Variants in GNA14 observed in about 807,000 individuals in gnomAD.
GNA14 encodes the protein guanine nucleotide-binding protein subunit alpha-14.
In GNA14, 50 loss-of-function variants were observed where a neutral mutation model predicts 42.0. The observed-to-expected ratio is 1.19, with a 90% confidence interval of 0.95 to 1.51. The LOEUF (loss-of-function observed/expected upper bound fraction) is 1.51, where lower values mean the gene tolerates loss of function less well. GNA14 is among the 40% of genes most tolerant of loss of function. The pLI is 0.00. For missense variants in GNA14, 473 were observed against 446.2 expected, an observed-to-expected ratio of 1.06 and a Z score of -0.54; for synonymous variants, 173 against 163.1, an observed-to-expected ratio of 1.06 and a Z score of -0.46.
At chr9:77,637,503 A>T (rs1363344013) in intron 1 of GNA14, among the ~76,000 whole-genome samples, 1 of 152,254 alleles carries the variant, frequency 6.6e-6, no homozygotes, top group African/African-American at 2.4e-5. Context: ...ATATCTTATC[A>T]GCAACCCTAT....
At chr9:77,473,188 T>C (rs1836361456) in intron 2 of GNA14, among the ~76,000 whole-genome samples, 1 of 152,158 alleles carries the variant, frequency 6.6e-6, no homozygotes, top group South Asian at 2.1e-4. Flanking sequence ...TGAGCACAAT[T>C]GCTCATGCCT....
At chr9:77,464,962 G>A (rs1269554856) in intron 2 of GNA14, among the ~76,000 whole-genome samples, 1 of 152,120 alleles carries the variant, frequency 6.6e-6, no homozygotes, top group Non-Finnish European at 1.5e-5. Flanking sequence ...AGAGATTGGG[G>A]GTTACATGGC....
intron 2 of GNA14, among the ~76,000 whole-genome samples, chr9:77,504,286 G>T (rs1418269814): frequency 1.3e-5 from 2 of 152,004 alleles, no homozygotes; most frequent in African/African-American, 4.8e-5. Flanking sequence ...TTAAATATTT[G>T]ATCTCTTGCT....
intron 5 of GNA14, among the ~76,000 whole-genome samples, chr9:77,428,068 T>C (rs1365973298): frequency 1.3e-5 from 2 of 149,692 alleles, no homozygotes; most frequent in Non-Finnish European, 2.9e-5. Context: ...GATGGCATTT[T>C]TTCTTTTTTT....
chr9:77,633,190 G>A (rs1028994123), intron 1 of GNA14, among the ~76,000 whole-genome samples: 1 of 152,134 alleles, frequency 6.6e-6, no homozygotes, highest in African/African-American at 2.4e-5. Flanking sequence ...AATGTAGAAG[G>A]TGCTATGGGA....
chr9:77,599,242 G>A (rs1337637780), intron 1 of GNA14, among the ~76,000 whole-genome samples: 2 of 152,190 alleles, frequency 1.3e-5, no homozygotes, highest in Non-Finnish European at 1.5e-5. Context: ...CAATATAATA[G>A]CATAGCTGGA....
chr9:77,578,256 T>C (rs539343482), intron 1 of GNA14, among the ~76,000 whole-genome samples: 3 of 152,294 alleles, frequency 2.0e-5, no homozygotes, highest in Admixed American at 6.5e-5. Context: ...AGCCTGGTGA[T>C]GGAGTGAGAC....
intron 2 of GNA14, among the ~76,000 whole-genome samples, chr9:77,485,613 A>G (rs989214006): frequency 3.9e-5 from 6 of 152,170 alleles, no homozygotes; most frequent in Admixed American, 3.3e-4. Context: ...TATAGCCTTA[A>G]AAAATGCATT....
chr9:77,441,187 T>C (rs1168577213), intron 2 of GNA14, among the ~76,000 whole-genome samples: 2 of 152,192 alleles, frequency 1.3e-5, no homozygotes, highest in Non-Finnish European at 2.9e-5. Context: ...GAATTGTAAT[T>C]CCCGTAATCC....
chr9:77,465,487 T>C (rs1050138140), intron 2 of GNA14, among the ~76,000 whole-genome samples: 1 of 152,212 alleles, frequency 6.6e-6, no homozygotes, highest in African/African-American at 2.4e-5. Context: ...TGCGGCTGTG[T>C]GTTTTCATTT....
intron 1 of GNA14, among the ~76,000 whole-genome samples, chr9:77,614,268 G>A (rs1823776086): frequency 6.6e-6 from 1 of 152,104 alleles, no homozygotes; most frequent in African/African-American, 2.4e-5. Flanking sequence ...TTATAGGCCA[G>A]TCCCAGAAAT....
intron 2 of GNA14, among the ~76,000 whole-genome samples, chr9:77,472,745 A>G (rs1429783450): frequency 6.6e-6 from 1 of 151,474 alleles, no homozygotes; most frequent in Non-Finnish European, 1.5e-5. Flanking sequence ...TGGTGCCGTC[A>G]CGATGGGATT....
At chr9:77,453,643 A>T (rs1156470692) in intron 2 of GNA14, among the ~76,000 whole-genome samples, 4 of 152,238 alleles carry the variant, frequency 2.6e-5, no homozygotes, top group African/African-American at 7.2e-5. Context: ...TGGCTTAAAA[A>T]CAACAGCAAG....
intron 2 of GNA14, chr9:77,517,937 G>T (rs1451302881): frequency 2.6e-5 from 4 of 151,896 alleles, no homozygotes; most frequent in Non-Finnish European, 5.9e-5. Flanking sequence ...TGTCTGAAAA[G>T]AACTCTTGTA....
chr9:77,592,134 C>T (rs2117890793), intron 1 of GNA14, among the ~76,000 whole-genome samples: 1 of 152,122 alleles, frequency 6.6e-6, no homozygotes, highest in African/African-American at 2.4e-5. Flanking sequence ...GATCTCCTGA[C>T]CTCGTGATCC....
chr9:77,493,021 A>C (rs1382515911), intron 2 of GNA14, among the ~76,000 whole-genome samples: 1 of 117,106 alleles, frequency 8.5e-6, no homozygotes, highest in Non-Finnish European at 1.7e-5. Context: ...AAAAAAAAAA[A>C]AAAAAATATA....
chr9:77,560,116 G>C (rs1822853595), intron 1 of GNA14, among the ~76,000 whole-genome samples: 1 of 152,126 alleles, frequency 6.6e-6, no homozygotes, highest in South Asian at 2.1e-4. Context: ...CTGGGAAAGG[G>C]CTATAAATTT....
At chr9:77,471,275 T>C (rs780335832) in intron 2 of GNA14, among the ~76,000 whole-genome samples, 12 of 152,106 alleles carry the variant, frequency 7.9e-5, no homozygotes, top group East Asian at 3.9e-4. Context: ...GTGGAGCTAC[T>C]GAGGTTGTAT....
At chr9:77,516,070 G>T (rs1018664523) in intron 2 of GNA14, among the ~76,000 whole-genome samples, 1 of 149,000 alleles carries the variant, frequency 6.7e-6, no homozygotes, top group Admixed American at 6.7e-5. Context: ...TACATGACCC[G>T]CAAGCAGAGA....
Sources: allele counts gnomAD v4.1 joint callset (sites outside exome capture counted in the v4.1 genomes callset), GRCh38; gene constraint gnomAD v4.1.1; transcripts MANE v1.5; gene names NCBI Gene and HGNC (gene_info 2026-07-23, HGNC 2026-07-21).